Variants in RFX3 observed in about 807,000 individuals in gnomAD.
The protein encoded by RFX3 is transcription factor RFX3.
In RFX3, 14 loss-of-function variants were observed where a neutral mutation model predicts 98.6. The observed-to-expected ratio is 0.14, with a 90% CI of 0.09 to 0.22. RFX3 has a LOEUF of 0.22. RFX3 is among the 10% of genes least tolerant of loss of function. The pLI is 1.00. For synonymous variants in RFX3, 383 were observed against 328.4 expected, an observed-to-expected ratio of 1.17 and a Z score of -1.80; for missense variants, 639 against 926.9, an observed-to-expected ratio of 0.69 and a Z score of 4.03.
At chr9:3,249,129 T>C (rs1296460306) in intron 14 of RFX3, among the ~76,000 whole-genome samples, 1 of 152,168 alleles carries the variant, frequency 6.6e-6, no homozygotes, top group African/African-American at 2.4e-5. Context: ...ACAACCATTG[T>C]ATTCTCAGGA....
chr9:3,331,157 G>C (rs1003343771), intron 3 of RFX3, among the ~76,000 whole-genome samples: 1 of 152,110 alleles, frequency 6.6e-6, no homozygotes, highest in African/African-American at 2.4e-5. Context: ...AACAACTACA[G>C]TCAAGCTTCT....
chr9:3,300,184 T>G (rs1234220459), intron 5 of RFX3, among the ~76,000 whole-genome samples: 1 of 151,754 alleles, frequency 6.6e-6, no homozygotes, highest in Non-Finnish European at 1.5e-5. Flanking sequence ...AGCAGGAATA[T>G]ACTTACGAAA....
intron 1 of RFX3, among the ~76,000 whole-genome samples, chr9:3,468,867 T>A (rs1564142038): frequency 6.6e-6 from 1 of 151,544 alleles, no homozygotes; most frequent in Non-Finnish European, 1.5e-5. Context: ...CCGCATACTT[T>A]CATTACAAAA....
rs1010844820 is a variant in RFX3, at chr9:3,219,499, C to T, written c.*5543G>A. The T allele has an allele frequency of 4.0e-5, 6 of 148,782 alleles. No homozygotes were observed. The highest frequency in any genetic ancestry group is 1.2e-4 in the African/African-American group (5 of 40,548). The allele number at this position is 148,782 out of a possible 1,614,324, so 9.2% of individuals were successfully genotyped here. On this transcript the variant is annotated 3_prime_UTR_variant, in exon 17 of 17. Transcript: ENST00000617270. ...GGGGAGAAAAAGAATCAAACCAGAA[C>T]CAAATAAAAGAAGAGACAAAACACA...
chr9:3,313,637 C>T lies in RFX3; in HGVS notation c.475-12017G>A, dbSNP rs796603903. 6.6e-5 allele frequency among the ~76,000 whole-genome samples: 10 copies of T among 152,206 alleles called. No individual in the cohort carries two copies. In the South Asian group the frequency reaches 8.3e-4, roughly 13 times the overall value. On this transcript the variant is annotated intron_variant, in intron 4 of 16. Coordinates refer to ENST00000617270, the MANE Select transcript of RFX3 (RefSeq NM_001282116.2). ...CTAAAAACCTTGAAAAAAGATTAGACGAATGGCTAACTAGAATAAACAGTC... is the reference window on the plus strand; with the variant it reads ...CTAAAAACCTTGAAAAAAGATTAGATGAATGGCTAACTAGAATAAACAGTC...
At chr9:3,394,825 C>G (rs1436050301) in intron 2 of RFX3, 1 of 985,078 alleles carries the variant, frequency 1.0e-6, no homozygotes, top group African/African-American at 1.7e-5. Flanking sequence ...GTTCACAATC[C>G]ACATACATGA....
chr9:3,327,591 G>A (rs1412334972), intron 4 of RFX3, among the ~76,000 whole-genome samples: 1 of 150,084 alleles, frequency 6.7e-6, no homozygotes, highest in African/African-American at 2.5e-5. Flanking sequence ...TTGTTAAAAA[G>A]GAAAATTTTC....
At chr9:3,471,962 C>T (rs1000407920) in intron 1 of RFX3, among the ~76,000 whole-genome samples, 13 of 152,298 alleles carry the variant, frequency 8.5e-5, no homozygotes, top group Middle Eastern at 3.4e-3. Context: ...GTTTTCTACT[C>T]GTGGCTGACT....
intron 1 of RFX3, among the ~76,000 whole-genome samples, chr9:3,427,757 T>C (rs1375832585): frequency 1.3e-5 from 2 of 152,066 alleles, no homozygotes; most frequent in African/African-American, 4.8e-5. Context: ...CTCAGATCCA[T>C]AGCAGGAACT....
intron 6 of RFX3, among the ~76,000 whole-genome samples, chr9:3,288,480 T>C (rs1037707057): frequency 6.6e-6 from 1 of 152,072 alleles, no homozygotes; most frequent in African/African-American, 2.4e-5. Flanking sequence ...CTAAAAATAT[T>C]TGTTTATAAA....
At chr9:3,416,379 C>T (rs189713278) in intron 1 of RFX3, among the ~76,000 whole-genome samples, 9 of 152,192 alleles carry the variant, frequency 5.9e-5, no homozygotes, top group East Asian at 3.9e-4. Flanking sequence ...GACCTAAAGA[C>T]GGGTATTCAT....
intron 8 of RFX3, among the ~76,000 whole-genome samples, chr9:3,275,884 G>A (rs549583192): frequency 4.6e-5 from 7 of 152,120 alleles, no homozygotes; most frequent in African/African-American, 1.7e-4. Context: ...ATATCACAGT[G>A]TCTCTCAACA....
chr9:3,459,063 T>C (rs1015980313), intron 1 of RFX3, among the ~76,000 whole-genome samples: 1 of 152,138 alleles, frequency 6.6e-6, no homozygotes, highest in Non-Finnish European at 1.5e-5. Context: ...ATTAAAACAA[T>C]GCCCCTCTGA....
At chr9:3,449,948 G>A (rs545392727) in intron 1 of RFX3, among the ~76,000 whole-genome samples, 54 of 150,912 alleles carry the variant, frequency 3.6e-4, no homozygotes, top group Non-Finnish European at 6.5e-4. Flanking sequence ...AGTGATCATC[G>A]TAGCCCAGGA....
chr9:3,342,152 A>T (rs1833957971), intron 3 of RFX3, among the ~76,000 whole-genome samples: 1 of 152,210 alleles, frequency 6.6e-6, no homozygotes, highest in Non-Finnish European at 1.5e-5. Flanking sequence ...TAAATTATTC[A>T]ATGTCAATAT....
chr9:3,455,266 A>G (rs1401830892), intron 1 of RFX3, among the ~76,000 whole-genome samples: 3 of 152,128 alleles, frequency 2.0e-5, no homozygotes, highest in Non-Finnish European at 4.4e-5. Flanking sequence ...TATGCATCAG[A>G]CAGGCTGTTT....
intron 1 of RFX3, among the ~76,000 whole-genome samples, chr9:3,439,923 G>C (rs1308915066): frequency 1.3e-5 from 2 of 152,032 alleles, no homozygotes; most frequent in Admixed American, 1.3e-4. Context: ...ACTACGTAGA[G>C]TCAGTCTCAG....
intron 1 of RFX3, among the ~76,000 whole-genome samples, chr9:3,401,261 C>A (rs1000356284): frequency 6.6e-6 from 1 of 152,174 alleles, no homozygotes; most frequent in Non-Finnish European, 1.5e-5. Context: ...AGGAATATAA[C>A]CCTCCCGCCA....
At chr9:3,442,753 A>C (rs938995798) in intron 1 of RFX3, among the ~76,000 whole-genome samples, 5 of 152,254 alleles carry the variant, frequency 3.3e-5, no homozygotes, top group Non-Finnish European at 5.9e-5. Flanking sequence ...TATTATAAAA[A>C]TGGATTATAG....
Sources: gnomAD v4.1 joint callset for allele counts (sites outside exome capture counted in the v4.1 genomes callset) on GRCh38, gnomAD v4.1.1 for gene constraint, MANE v1.5 for transcripts, NCBI Gene and HGNC (gene_info 2026-07-23, HGNC 2026-07-21) for gene names.